Variants in RBM27 observed in about 807,000 individuals in gnomAD.
RBM27 encodes the protein RNA binding motif protein 27.
In RBM27, 22 loss-of-function variants were observed where a neutral mutation model predicts 135.3. That is an observed-to-expected ratio of 0.16 (90% confidence interval 0.12 to 0.23). The LOEUF (loss-of-function observed/expected upper bound fraction) is 0.23. Ranked by LOEUF, RBM27 falls within the 10% of genes least tolerant of loss-of-function variation. RBM27 has a pLI of 1.00. For missense variants in RBM27, 1,009 were observed against 1,281.0 expected (o/e 0.79, Z 3.24); for synonymous variants, 481 against 442.4 (o/e 1.09, Z -1.10).
chr5:146,280,630 T>C (rs911796692), intron 19 of RBM27, among the ~76,000 whole-genome samples: 5 of 152,168 alleles, frequency 3.3e-5, no homozygotes, highest in South Asian at 2.1e-4. Flanking sequence ...TCAATCCTTA[T>C]TATTTTCAGA....
At chr5:146,283,198 G>A (rs1362081609) in intron 19 of RBM27, among the ~76,000 whole-genome samples, 1 of 152,172 alleles carries the variant, frequency 6.6e-6, no homozygotes, top group Non-Finnish European at 1.5e-5. Flanking sequence ...AAAGGATAGA[G>A]TAAAGGGTAA....
At position 146,236,975 on chromosome 5, in the gene RBM27, G is replaced by A. The variant is rs1202486282; in HGVS notation, c.1145-323G>A. On this transcript the variant is annotated intron_variant, in intron 7 of 20. Coordinates refer to ENST00000265271, the MANE Select transcript of RBM27 (RefSeq NM_018989.2). ...TTTTTCGAGACAGAGTTTTGCTTTT[G>A]TTGCCCAGGCTGGAGTGCAATGGTG... is the stretch of plus-strand genomic sequence containing the variant. Among the ~76,000 whole-genome samples the A allele has an allele frequency of 6.4e-5, 4 of 62,988 alleles. No homozygotes were observed. The East Asian group carries it at 2.2e-3, about 34-fold the overall frequency. The allele number at this position is 62,988 out of a possible 152,430, so 41.3% of individuals were successfully genotyped here.
Position 146,206,527 on chromosome 5 carries a change from T to A in RBM27, c.59+2703T>A, listed in dbSNP as rs149751028. Among the ~76,000 whole-genome samples, 733 of 149,564 alleles carry A rather than the reference T, an allele frequency of 4.9e-3. 5 individuals are homozygous for A. The highest frequency in any genetic ancestry group is 0.017 in the African/African-American group (698 of 40,422). ...TTAAAGTTCACATGCTTATTTTTTT[T>A]AATTTTGTTGCTCATTTAGGGTAAA... On this transcript the variant is annotated intron_variant, in intron 1 of 20. Transcript: ENST00000265271.
In RBM27 at chr5:146,237,379, G is replaced by A; in HGVS notation, c.1226G>A (p.Gly409Glu). The change falls in exon 8 of 21, where the codon GGA becomes GAA. Residue 409 changes from glycine (G) to glutamate (E), a missense_variant. By Grantham distance (98) the Gly-to-Glu change is moderately conservative. Coordinates refer to ENST00000265271, the MANE Select transcript of RBM27 (RefSeq NM_018989.2). ...GCAGTGCCCAATCTTGCATCAGTGG[G>A]AACAAGACTACCTCCTCCTTTACCC... ...TSAVPNLASV[G>E]TRLPPPLPQN... 6.2e-7 allele frequency: 1 copy of A among 1,614,000 alleles called. No individual in the cohort carries two copies. The highest frequency in any genetic ancestry group is 8.5e-7 in the Non-Finnish European group (1 of 1,179,892).
At chr5:146,210,495 T>C (rs1270516932) in intron 1 of RBM27, among the ~76,000 whole-genome samples, 1 of 151,970 alleles carries the variant, frequency 6.6e-6, no homozygotes, top group South Asian at 2.1e-4. Context: ...TCAAAATTCA[T>C]GTTGGACATC....
At chr5:146,264,275 C>T (rs13179801) in intron 14 of RBM27, among the ~76,000 whole-genome samples, 1 of 152,020 alleles carries the variant, frequency 6.6e-6, no homozygotes, top group Non-Finnish European at 1.5e-5. Context: ...CCTCCACCTC[C>T]TGGGTTCAAG....
intron 10 of RBM27, among the ~76,000 whole-genome samples, chr5:146,255,741 T>C (rs947128072): frequency 2.6e-5 from 4 of 152,186 alleles, no homozygotes; most frequent in Non-Finnish European, 5.9e-5. Context: ...ATTTCCAATA[T>C]ATAATTTCAA....
chr5:146,276,488 G>A (rs1310425002), intron 19 of RBM27, among the ~76,000 whole-genome samples: 2 of 152,076 alleles, frequency 1.3e-5, no homozygotes, highest in Admixed American at 6.6e-5. Flanking sequence ...TTCATATGAG[G>A]CAACAGAATA....
chr5:146,277,517 AT>A (rs371321141), intron 19 of RBM27, among the ~76,000 whole-genome samples: 536 of 125,546 alleles, frequency 4.3e-3, no homozygotes, highest in African/African-American at 9.8e-3. Flanking sequence ...TACTGGGATA[AT>A]TTTTTTTTTT....
chr5:146,242,094 G>A, intron 8 of RBM27, among the ~76,000 whole-genome samples: 1 of 151,824 alleles, frequency 6.6e-6, no homozygotes, highest in African/African-American at 2.4e-5. Flanking sequence ...ACGGCCTCAA[G>A]GACAATCTTT....
At chr5:146,246,126 G>A (rs1414923974) in intron 8 of RBM27, among the ~76,000 whole-genome samples, 1 of 152,134 alleles carries the variant, frequency 6.6e-6, no homozygotes, top group Non-Finnish European at 1.5e-5. Flanking sequence ...AACTTCTCAA[G>A]TGTACCAGGT....
At chr5:146,240,296 C>G (rs1377038643) in intron 8 of RBM27, among the ~76,000 whole-genome samples, 1 of 119,024 alleles carries the variant, frequency 8.4e-6, no homozygotes, top group Non-Finnish European at 1.6e-5. Context: ...TGTTTTCTAT[C>G]TGTCTGTCTG....
intron 1 of RBM27, among the ~76,000 whole-genome samples, chr5:146,210,112 G>A (rs6887090): frequency 0.014 from 2,111 of 152,114 alleles, 17 homozygotes; most frequent in Non-Finnish European, 0.024. Flanking sequence ...TCCACCTCTT[G>A]GCCATGGGCG....
At chr5:146,248,301 A>G (rs1486252483) in intron 8 of RBM27, among the ~76,000 whole-genome samples, 3 of 151,408 alleles carry the variant, frequency 2.0e-5, no homozygotes, top group Non-Finnish European at 4.4e-5. Context: ...TGGAAGGACA[A>G]GGTATACTAA....
At chr5:146,258,768 ATTTT>A (rs376613663) in intron 11 of RBM27, among the ~76,000 whole-genome samples, 175 bp downstream of exon 11, 3 of 145,652 alleles carry the variant, frequency 2.1e-5, no homozygotes, top group African/African-American at 7.5e-5. Context: ...AATATTTATA[ATTTT>A]TTTTTTTTTT....
chr5:146,251,277 A>G (rs1225350794), intron 8 of RBM27, among the ~76,000 whole-genome samples: 1 of 152,056 alleles, frequency 6.6e-6, no homozygotes, highest in African/African-American at 2.4e-5. Context: ...CAAACCTGAA[A>G]TTATGTGGGT....
chr5:146,210,486 C>G (rs1755885173), intron 1 of RBM27, among the ~76,000 whole-genome samples: 1 of 151,646 alleles, frequency 6.6e-6, no homozygotes, highest in Admixed American at 6.6e-5. Context: ...GGTGTCCCCT[C>G]AAAATTCATG....
Position 146,258,585 on chromosome 5 carries a change from G to T in RBM27, c.1731G>T (p.Trp577Cys). Residue 577 changes from tryptophan to cysteine, a missense_variant, in exon 11 of 21, where the codon TGG (tryptophan) becomes TGT (cysteine). Physicochemically the swap from Trp to Cys is radical, Grantham distance 215. Transcript: ENST00000265271. ...AAGGGCCACTCACAAAGAAACCTTG[G>T]CTGGGAAAGTAAGATAATTTGCTAA... ...GLEGPLTKKP[W>C]LGKQGNNNQN... 6.4e-7 allele frequency: 1 copy of T among 1,566,784 alleles called. No individual in the cohort carries two copies. Among genetic ancestry groups the T allele is most frequent in the South Asian group, 1.2e-5 (1 of 82,950 alleles).
At chr5:146,216,384 T>G (rs1004768797) in intron 1 of RBM27, among the ~76,000 whole-genome samples, 8 of 152,166 alleles carry the variant, frequency 5.3e-5, no homozygotes, top group Admixed American at 1.3e-4. Flanking sequence ...AATTTAAAAT[T>G]TTATTAATAA....
Sources: allele counts gnomAD v4.1 joint callset (sites outside exome capture counted in the v4.1 genomes callset), GRCh38; gene constraint gnomAD v4.1.1; transcripts MANE v1.5; gene names NCBI Gene and HGNC (gene_info 2026-07-23, HGNC 2026-07-21).